MAML2: variants seen among roughly 807,000 people sequenced by gnomAD.
The protein encoded by MAML2 is mastermind-like protein 2.
In MAML2, 22 loss-of-function variants were observed where a neutral mutation model predicts 96.1. That is an observed-to-expected ratio of 0.23 (90% CI 0.16 to 0.33). The LOEUF (loss-of-function observed/expected upper bound fraction) is 0.33, where lower values mean the gene tolerates loss of function less well. Ranked by LOEUF, MAML2 falls within the 10% of genes least tolerant of loss-of-function variation. MAML2 has a pLI of 1.00. For missense variants in MAML2, 1,367 were observed against 1,392.4 expected (o/e 0.98, Z 0.29); for synonymous variants, 561 against 521.3 (o/e 1.08, Z -1.04).
chr11:96,303,975 A>G (rs952022902), intron 1 of MAML2, among the ~76,000 whole-genome samples: 3 of 152,210 alleles, frequency 2.0e-5, no homozygotes, highest in African/African-American at 7.2e-5. Flanking sequence ...CACAATTACT[A>G]TGAGCAAGGA....
At chr11:96,242,837 G>A (rs1013085083) in intron 1 of MAML2, among the ~76,000 whole-genome samples, 33 of 152,208 alleles carry the variant, frequency 2.2e-4, no homozygotes, top group Admixed American at 2.2e-3. Flanking sequence ...ACCTGTGGAA[G>A]CTACACTTGC....
chr11:96,047,714 G>A, intron 2 of MAML2, among the ~76,000 whole-genome samples: 1 of 151,894 alleles, frequency 6.6e-6, no homozygotes, highest in East Asian at 1.9e-4. Flanking sequence ...CTCGAGACCA[G>A]CCTGGCCAAG....
intron 1 of MAML2, among the ~76,000 whole-genome samples, chr11:96,216,566 A>C (rs917469760): frequency 5.3e-5 from 8 of 152,152 alleles, no homozygotes; most frequent in African/African-American, 1.9e-4. Flanking sequence ...ATTTATCCAT[A>C]CTGCCCCAGA....
At chr11:96,215,752 T>A (rs939724872) in intron 1 of MAML2, among the ~76,000 whole-genome samples, 1 of 152,100 alleles carries the variant, frequency 6.6e-6, no homozygotes, top group Non-Finnish European at 1.5e-5. Context: ...CCTCGGGTGC[T>A]GGCTGCCACT....
Position 96,319,016 on chromosome 11 carries a change from G to A in MAML2, c.513+22367C>T, listed in dbSNP as rs1438332310. Among the ~76,000 whole-genome samples the A allele has an allele frequency of 2.0e-5, 3 of 152,136 alleles. No individual in the cohort carries two copies. The East Asian group carries it at 5.8e-4, about 29-fold the overall frequency. On this transcript the variant is annotated intron_variant, in intron 1 of 4. Coordinates refer to ENST00000524717, the MANE Select transcript of MAML2 (RefSeq NM_032427.4). ...TTGGCCTATGTGACCAGTAGAATAC[G>A]GCAGAAGAGAAAATGTGTGACTTTT...
chr11:96,239,608 G>GA (rs983606110), intron 1 of MAML2, among the ~76,000 whole-genome samples: 19 of 148,044 alleles, frequency 1.3e-4, no homozygotes, highest in Admixed American at 5.4e-4. Context: ...GGCGAATCAA[G>GA]AAAAAAAAAA....
intron 1 of MAML2, among the ~76,000 whole-genome samples, chr11:96,151,803 A>T (rs1263877616): frequency 6.6e-6 from 1 of 152,058 alleles, no homozygotes; most frequent in Non-Finnish European, 1.5e-5. Flanking sequence ...AGCCAATGAA[A>T]CCTCTTTTGT....
intron 1 of MAML2, among the ~76,000 whole-genome samples, chr11:96,208,584 A>G: frequency 6.6e-6 from 1 of 152,216 alleles, no homozygotes; most frequent in East Asian, 1.9e-4. Context: ...ACCCTGGATG[A>G]TATATTAAAT....
At chr11:96,174,068 G>A (rs1293946488) in intron 1 of MAML2, among the ~76,000 whole-genome samples, 3 of 152,184 alleles carry the variant, frequency 2.0e-5, no homozygotes, top group South Asian at 4.1e-4. Flanking sequence ...CAGAGGAGTT[G>A]ATCTTGGGAG....
intron 1 of MAML2, among the ~76,000 whole-genome samples, chr11:96,248,632 C>G (rs775802643): frequency 6.6e-6 from 1 of 152,090 alleles, no homozygotes; most frequent in Non-Finnish European, 1.5e-5. Context: ...ATTTCCCCCT[C>G]TAATTGGATC....
chr11:96,086,113 A>G (rs966963633), intron 2 of MAML2, among the ~76,000 whole-genome samples: 2 of 152,206 alleles, frequency 1.3e-5, no homozygotes, highest in Admixed American at 1.3e-4. Context: ...TTCACAAAGT[A>G]ATAAGGACAG....
chr11:96,239,453 C>T (rs762158680), intron 1 of MAML2, among the ~76,000 whole-genome samples: 1 of 152,106 alleles, frequency 6.6e-6, no homozygotes, highest in African/African-American at 2.4e-5. Context: ...AAGGCAGATT[C>T]CTAGGACGAA....
intron 1 of MAML2, among the ~76,000 whole-genome samples, chr11:96,161,341 T>C (rs1221950629): frequency 1.3e-5 from 2 of 152,234 alleles, no homozygotes; most frequent in Non-Finnish European, 2.9e-5. Flanking sequence ...ATTTTTCTAT[T>C]TGTATGTCTA....
At chr11:96,171,657 G>A (rs1861299416) in intron 1 of MAML2, among the ~76,000 whole-genome samples, 1 of 152,248 alleles carries the variant, frequency 6.6e-6, no homozygotes, top group Non-Finnish European at 1.5e-5. Context: ...TCCAGTGAGA[G>A]AATAAACAAC....
chr11:96,188,531 C>G (rs941274338), intron 1 of MAML2, among the ~76,000 whole-genome samples: 1 of 152,160 alleles, frequency 6.6e-6, no homozygotes, highest in Admixed American at 6.5e-5. Context: ...CTGTATGTCC[C>G]TATTATGGCA....
At chr11:96,255,266 A>G (rs1212729035) in intron 1 of MAML2, among the ~76,000 whole-genome samples, 3 of 152,256 alleles carry the variant, frequency 2.0e-5, no homozygotes, top group Non-Finnish European at 4.4e-5. Flanking sequence ...TGTTCGTTGC[A>G]TAACTGTCAA....
chr11:96,338,022 G>A, intron 1 of MAML2, among the ~76,000 whole-genome samples: 1 of 152,146 alleles, frequency 6.6e-6, no homozygotes, highest in Non-Finnish European at 1.5e-5. Context: ...CATGACATTA[G>A]AGAAAAGATA....
chr11:96,235,444 G>A (rs896649871), intron 1 of MAML2, among the ~76,000 whole-genome samples: 3 of 152,178 alleles, frequency 2.0e-5, no homozygotes, highest in Admixed American at 6.5e-5. Context: ...GCTGACCCCT[G>A]ATCTAGAGGA....
At chr11:96,304,594 A>G (rs991237997) in intron 1 of MAML2, among the ~76,000 whole-genome samples, 6 of 152,220 alleles carry the variant, frequency 3.9e-5, no homozygotes, top group South Asian at 2.1e-4. Context: ...CTAGAAGACC[A>G]TCCTATTACA....
Sources: allele counts gnomAD v4.1 joint callset (sites outside exome capture counted in the v4.1 genomes callset), GRCh38; gene constraint gnomAD v4.1.1; transcripts MANE v1.5; gene names NCBI Gene and HGNC (gene_info 2026-07-23, HGNC 2026-07-21).